Variants in PTPN13 observed in about 807,000 individuals in gnomAD.
PTPN13 encodes tyrosine-protein phosphatase non-receptor type 13.
In PTPN13, 191 loss-of-function variants were observed where a neutral mutation model predicts 284.0. The ratio of observed to expected loss-of-function variants is 0.67; its 90% confidence interval spans 0.60 to 0.76. PTPN13 has a LOEUF of 0.76. Ranked by LOEUF, PTPN13 falls within the 30% of genes least tolerant of loss-of-function variation. The pLI, the probability that PTPN13 is intolerant of heterozygous loss-of-function variation, is 0.00. For synonymous variants in PTPN13, 986 were observed against 1,022.3 expected (o/e 0.96, Z 0.68); for missense variants, 2,797 against 2,939.9 (o/e 0.95, Z 1.12).
intron 1 of PTPN13, among the ~76,000 whole-genome samples, chr4:86,631,494 A>G (rs1722462467): frequency 6.6e-6 from 1 of 152,136 alleles, no homozygotes. Context: ...GGTAATTAGA[A>G]TGAGGCAGTT....
chr4:86,767,812 T>C lies in PTPN13; in HGVS notation c.4330-5T>C. 1 of 1,550,294 alleles carries C rather than the reference T, an allele frequency of 6.5e-7. No homozygotes were observed. Among genetic ancestry groups the C allele is most frequent in the Admixed American group, 2.0e-5 (1 of 49,998 alleles). ...AATTAATGAAATGCTATTTTACTTATCCAGGTGGTTCATCTGTTATTAGAA... is the reference window on the plus strand; with the variant it reads ...AATTAATGAAATGCTATTTTACTTACCCAGGTGGTTCATCTGTTATTAGAA... On this transcript the variant is annotated splice_region_variant and splice_polypyrimidine_tract_variant and intron_variant, in intron 27 of 47. Transcript: ENST00000411767.
chr4:86,731,562 T>C (rs376076718), intron 10 of PTPN13, among the ~76,000 whole-genome samples: 14 of 152,228 alleles, frequency 9.2e-5, no homozygotes, highest in African/African-American at 3.4e-4. Flanking sequence ...GGTTCCAAGA[T>C]AGTGATTACA....
At chr4:86,653,930 A>G (rs1174191833) in intron 2 of PTPN13, among the ~76,000 whole-genome samples, 4 of 152,234 alleles carry the variant, frequency 2.6e-5, no homozygotes, top group African/African-American at 7.2e-5. Context: ...ACTTCAATGC[A>G]TAAAATGTAA....
chr4:86,749,023 T>C (rs1049416887), intron 17 of PTPN13, among the ~76,000 whole-genome samples: 1 of 152,198 alleles, frequency 6.6e-6, no homozygotes, highest in African/African-American at 2.4e-5. Flanking sequence ...TGTTATAACT[T>C]GGTGCCCACT....
chr4:86,774,701 T>TTATA (rs34474473), intron 33 of PTPN13, among the ~76,000 whole-genome samples, 170 bp downstream of exon 33: 205 of 110,572 alleles, frequency 1.9e-3, no homozygotes, highest in Non-Finnish European at 2.3e-3. Context: ...GGAAATTATT[T>TTATA]TATATATATA....
chr4:86,706,299 C>T (rs1455014543), intron 7 of PTPN13, among the ~76,000 whole-genome samples: 1 of 152,102 alleles, frequency 6.6e-6, no homozygotes, highest in Non-Finnish European at 1.5e-5. Context: ...AAGAAGAGAC[C>T]AGATACATGT....
intron 1 of PTPN13, among the ~76,000 whole-genome samples, chr4:86,615,860 C>T (rs1720491155): frequency 6.6e-6 from 1 of 152,128 alleles, no homozygotes; most frequent in Non-Finnish European, 1.5e-5. Context: ...CTACTCTCTT[C>T]CCCAATGGAA....
intron 37 of PTPN13, among the ~76,000 whole-genome samples, chr4:86,782,543 G>A (rs944669729): frequency 2.0e-5 from 3 of 152,090 alleles, no homozygotes; most frequent in African/African-American, 7.2e-5. Context: ...TCTTATTAAT[G>A]TGTAAAATTC....
At chr4:86,786,562 A>C (rs534744189) in intron 40 of PTPN13, among the ~76,000 whole-genome samples, 6 of 152,330 alleles carry the variant, frequency 3.9e-5, no homozygotes, top group Middle Eastern at 3.4e-3. Context: ...AAGAATAATC[A>C]TACAAATATT....
chr4:86,795,422 C>T (rs559995120), intron 40 of PTPN13, among the ~76,000 whole-genome samples: 139 of 152,144 alleles, frequency 9.1e-4, no homozygotes, highest in Non-Finnish European at 1.6e-3. Flanking sequence ...GAAATAGGAA[C>T]GCTTTTACAC....
intron 6 of PTPN13, among the ~76,000 whole-genome samples, chr4:86,699,595 G>A (rs2148999734): frequency 6.6e-6 from 1 of 152,294 alleles, no homozygotes; most frequent in East Asian, 1.9e-4. Context: ...GGTGTTGCGT[G>A]TACAAAGTGA....
At chr4:86,682,489 A>G (rs1729003644) in intron 3 of PTPN13, among the ~76,000 whole-genome samples, 1 of 151,870 alleles carries the variant, frequency 6.6e-6, no homozygotes. Context: ...TGATATCTTT[A>G]ATAAAAGATT....
chr4:86,714,933 G>T (rs1048196944), intron 7 of PTPN13, among the ~76,000 whole-genome samples: 1 of 152,154 alleles, frequency 6.6e-6, no homozygotes, highest in Non-Finnish European at 1.5e-5. Context: ...GTGAAAGTAA[G>T]AGGAGCAATG....
intron 2 of PTPN13, 53 bp from the exon 3 acceptor site, chr4:86,672,312 A>T: frequency 7.1e-7 from 1 of 1,402,890 alleles, no homozygotes; most frequent in Non-Finnish European, 9.6e-7. Context: ...TTATAATTTT[A>T]AGCAATTTTC....
intron 1 of PTPN13, among the ~76,000 whole-genome samples, chr4:86,623,726 T>C (rs1721509822): frequency 6.6e-6 from 1 of 152,196 alleles, no homozygotes; most frequent in African/African-American, 2.4e-5. Context: ...AGAATGTTCT[T>C]TCCTATGTAT....
intron 1 of PTPN13, among the ~76,000 whole-genome samples, chr4:86,616,010 G>A (rs1277762148): frequency 6.6e-6 from 1 of 152,168 alleles, no homozygotes; most frequent in African/African-American, 2.4e-5. Flanking sequence ...GCAGTGCCTT[G>A]TAAATAATGA....
chr4:86,671,402 T>C (rs1216517238), intron 2 of PTPN13, among the ~76,000 whole-genome samples: 3 of 152,188 alleles, frequency 2.0e-5, no homozygotes, highest in Admixed American at 6.5e-5. Flanking sequence ...TTGTGATTTT[T>C]CTATAGCTAT....
At position 86,762,945 on chromosome 4, in the gene PTPN13, C is replaced by T. The variant is rs1280166156; in HGVS notation, c.3772C>T (p.Gln1258Ter). 1 of 1,613,906 alleles carries T rather than the reference C, an allele frequency of 6.2e-7. No individual in the cohort carries two copies. The highest frequency in any genetic ancestry group is 2.2e-5 in the East Asian group (1 of 44,870). ...CAGGACTGAGAGTGCCAGCTTGTCT[C>T]AAAGCCAGGTCAATGGTTTCTTTGC... ...DSRTESASLS[Q>*]SQVNGFFASH... Residue 1258 changes from glutamine to a stop codon, truncating the protein, a stop_gained, in exon 24 of 48, where the codon CAA becomes TAA. Transcript: ENST00000411767. LOFTEE classifies it high-confidence loss of function.
intron 10 of PTPN13, among the ~76,000 whole-genome samples, chr4:86,730,128 C>G (rs539551275): frequency 6.7e-6 from 1 of 149,702 alleles, no homozygotes; most frequent in African/African-American, 2.4e-5. Context: ...CACTCCAGAC[C>G]CTGTTTGCCT....
Sources: gnomAD v4.1 joint callset for allele counts (sites outside exome capture counted in the v4.1 genomes callset) on GRCh38, gnomAD v4.1.1 for gene constraint, MANE v1.5 for transcripts, NCBI Gene and HGNC (gene_info 2026-07-23, HGNC 2026-07-21) for gene names.